Variants in MFAP3L observed in about 807,000 individuals in gnomAD.
The protein encoded by MFAP3L is microfibril associated protein 3 like, also known as microfibrillar-associated protein 3-like.
In MFAP3L, 5 loss-of-function variants were observed where a neutral mutation model predicts 20.0. The observed-to-expected ratio is 0.25, with a 90% CI of 0.13 to 0.53. MFAP3L has a LOEUF of 0.53. Ranked by LOEUF, MFAP3L falls within the 20% of genes least tolerant of loss-of-function variation. The probability of loss-of-function intolerance (pLI) is 0.96; values close to 1 mark genes in which losing one functional copy is unlikely to be tolerated. For missense variants in MFAP3L, 409 were observed against 527.5 expected (o/e 0.78, Z 2.20); for synonymous variants, 219 against 213.0 (o/e 1.03, Z -0.25).
intron 2 of MFAP3L, among the ~76,000 whole-genome samples, chr4:169,999,801 C>G (rs993620479): frequency 3.3e-5 from 5 of 152,168 alleles, no homozygotes; most frequent in Non-Finnish European, 7.3e-5. Context: ...TCTATGGGAT[C>G]TACTTTGGAA....
chr4:170,006,114 ACT>A (rs1491135277), intron 1 of MFAP3L, 104 bp from the exon 2 acceptor site: 856 of 821,372 alleles, frequency 1.0e-3, no homozygotes, highest in Non-Finnish European at 1.3e-3. Flanking sequence ...ACATCAACAT[ACT>A]TTTTTTTTTT....
chr4:170,005,508 A>C (rs374661672), intron 2 of MFAP3L, 72 bp downstream of exon 2: 2 of 1,473,108 alleles, frequency 1.4e-6, no homozygotes, highest in African/African-American at 1.4e-5. Flanking sequence ...AGAAGAACTA[A>C]CATCACGGGT....
chr4:170,026,838 G>T (rs1262028854), upstream of MFAP3L: 6 of 152,254 alleles, frequency 3.9e-5, no homozygotes, highest in Non-Finnish European at 1.5e-5. Context: ...ATGGGAACCA[G>T]TCAACCCACC....
At chr4:169,994,588 T>C (rs1737996570) in intron 2 of MFAP3L, 2 of 952,548 alleles carry the variant, frequency 2.1e-6, no homozygotes, top group African/African-American at 3.5e-5. Flanking sequence ...AATTGTGTAT[T>C]GATATGTATT....
In MFAP3L at chr4:169,991,199, T is replaced by C. The variant is rs1737635995; in HGVS notation, c.*179A>G. 1 of 647,212 alleles carries C rather than the reference T, an allele frequency of 1.5e-6. No individual in the cohort carries two copies. Among genetic ancestry groups the C allele is most frequent in the Non-Finnish European group, 2.6e-6 (1 of 380,086 alleles). 40.1% of individuals were successfully genotyped at this position (647,212 alleles called of 1,614,324 possible). On this transcript the variant is annotated 3_prime_UTR_variant, in exon 3 of 3. Coordinates refer to ENST00000361618, the MANE Select transcript of MFAP3L (RefSeq NM_021647.8). This position sits in a 1 kb window ranked among gnomAD's most constrained non-coding sequence, Gnocchi z 4.9. ...CCCTGATGTTTCTCGCACCCTTCTC[T>C]ACTGGGGAAATTCCAGTCCCATTCA... is the stretch of plus-strand genomic sequence containing the variant.
chr4:170,015,851 G>A (rs1739666657), intron 1 of MFAP3L, among the ~76,000 whole-genome samples: 1 of 152,142 alleles, frequency 6.6e-6, no homozygotes, highest in Non-Finnish European at 1.5e-5. Context: ...CTGTAGCCAT[G>A]CCACGGACCC....
intron 2 of MFAP3L, chr4:169,997,752 C>CA (rs888481662): frequency 1.4e-5 from 14 of 984,182 alleles, no homozygotes; most frequent in Non-Finnish European, 1.7e-5. Context: ...CACAACTCAC[C>CA]GCAGCCTGGA....
chr4:169,989,302 G>T lies in MFAP3L; in HGVS notation c.*2076C>A, dbSNP rs186497455. The T allele has an allele frequency of 3.3e-5, 5 of 152,276 alleles. No homozygotes were observed. The highest frequency in any genetic ancestry group is 7.3e-5 in the Non-Finnish European group (5 of 68,030). The allele number at this position is 152,276 out of a possible 1,614,324, so 9.4% of individuals were successfully genotyped here. A position where few individuals can be genotyped will look rare whatever the true frequency, so the allele number is the denominator to read the frequency against. On this transcript the variant is annotated 3_prime_UTR_variant, in exon 3 of 3. Coordinates refer to ENST00000361618, the MANE Select transcript of MFAP3L (RefSeq NM_021647.8). ...GTCAACAGTTCAGTCCTTTTCAAGA[G>T]ATGTCTCATCAAACTCCATGACTAG...
chr4:170,019,377 T>C (rs1739889774), intron 1 of MFAP3L, among the ~76,000 whole-genome samples: 1 of 152,106 alleles, frequency 6.6e-6, no homozygotes, highest in African/African-American at 2.4e-5. Context: ...CAAGACTTCA[T>C]GTCTACAAAA....
At chr4:169,998,370 C>T (rs1017196300) in intron 2 of MFAP3L, among the ~76,000 whole-genome samples, 2 of 152,242 alleles carry the variant, frequency 1.3e-5, no homozygotes, top group African/African-American at 2.4e-5. Context: ...CTAACGCTCA[C>T]ACAAACAACT....
At chr4:170,016,639 C>T (rs1435968117) in intron 1 of MFAP3L, among the ~76,000 whole-genome samples, 3 of 152,226 alleles carry the variant, frequency 2.0e-5, no homozygotes, top group Non-Finnish European at 4.4e-5. Flanking sequence ...GATGTATCCC[C>T]ACTGTTCAGA....
chr4:169,995,297 C>T (rs1738060129), intron 2 of MFAP3L, among the ~76,000 whole-genome samples: 1 of 152,162 alleles, frequency 6.6e-6, no homozygotes, highest in Non-Finnish European at 1.5e-5. Flanking sequence ...CCCGTAGCCT[C>T]CAAGGTTGTG....
At chr4:170,008,799 C>T (rs1427529251) in intron 1 of MFAP3L, among the ~76,000 whole-genome samples, 3 of 152,170 alleles carry the variant, frequency 2.0e-5, no homozygotes, top group Non-Finnish European at 4.4e-5. Flanking sequence ...TGATCTTGCA[C>T]TTTTCTGTTT....
At chr4:170,026,401 G>T, upstream of MFAP3L, 1 of 551,374 alleles carries the variant, frequency 1.8e-6, no homozygotes, top group Non-Finnish European at 2.3e-6. Flanking sequence ...CGGCTGCCGG[G>T]AGCGCGGAGC....
chr4:170,004,515 T>C, intron 2 of MFAP3L, among the ~76,000 whole-genome samples: 1 of 152,184 alleles, frequency 6.6e-6, no homozygotes, highest in East Asian at 1.9e-4. Flanking sequence ...CCTGGCCAAT[T>C]AGACGGCTAG....
chr4:170,020,014 C>T (rs531110667), intron 1 of MFAP3L, among the ~76,000 whole-genome samples: 1 of 152,228 alleles, frequency 6.6e-6, no homozygotes, highest in African/African-American at 2.4e-5. Flanking sequence ...GTATCTCTTA[C>T]AAAGTCTGTG....
chr4:170,009,897 T>G (rs1203534630), intron 1 of MFAP3L, among the ~76,000 whole-genome samples: 1 of 152,192 alleles, frequency 6.6e-6, no homozygotes, highest in Non-Finnish European at 1.5e-5. Flanking sequence ...AATATTATTG[T>G]TTTTTCTTGG....
chr4:169,997,344 A>AT (rs146888758), intron 2 of MFAP3L, among the ~76,000 whole-genome samples: 9,148 of 152,082 alleles, frequency 0.06, 946 homozygotes, highest in African/African-American at 0.21. Flanking sequence ...CCCTAAATTA[A>AT]TTTTTTTCAA....
chr4:170,003,534 A>G (rs1487200603), intron 2 of MFAP3L: 1 of 293,052 alleles, frequency 3.4e-6, no homozygotes, highest in African/African-American at 2.3e-5. Context: ...GCAGTAAGAT[A>G]CTACACTTTG....
Sources: gnomAD v4.1 joint callset for allele counts (sites outside exome capture counted in the v4.1 genomes callset) on GRCh38, gnomAD v4.1.1 for gene constraint, Gnocchi (gnomAD v3.1) non-coding constraint, MANE v1.5 for transcripts, NCBI Gene and HGNC (gene_info 2026-07-23, HGNC 2026-07-21) for gene names.